KAZN: variants seen among roughly 807,000 people sequenced by gnomAD.
KAZN encodes kazrin, periplakin interacting protein.
KAZN carries 40 observed loss-of-function variants against 87.4 expected under a neutral mutation model. The observed-to-expected ratio is 0.46, with a 90% CI of 0.36 to 0.60. KAZN has a LOEUF of 0.60. Among genes scored for constraint, KAZN ranks in the 20% least tolerant of loss-of-function variants. The pLI, the probability that KAZN is intolerant of heterozygous loss-of-function variation, is 0.00. For missense variants in KAZN, 898 were observed against 1,073.9 expected, an observed-to-expected ratio of 0.84 and a Z score of 2.29; for synonymous variants, 466 against 458.3, an observed-to-expected ratio of 1.02 and a Z score of -0.22.
intron 1 of KAZN, among the ~76,000 whole-genome samples, chr1:14,118,665 C>A (rs976377837): frequency 3.3e-5 from 5 of 152,188 alleles, no homozygotes; most frequent in African/African-American, 1.2e-4. Context: ...CCGAAGAGAT[C>A]TCAGAATTCA....
chr1:14,417,765 A>G (rs1441505501), intron 2 of KAZN, among the ~76,000 whole-genome samples: 3 of 151,808 alleles, frequency 2.0e-5, no homozygotes, highest in Non-Finnish European at 4.4e-5. Flanking sequence ...GGGAGGCCAA[A>G]GCAGGCAGAT....
intron 1 of KAZN, among the ~76,000 whole-genome samples, chr1:14,836,070 C>T (rs543465677): frequency 3.9e-5 from 6 of 152,310 alleles, no homozygotes; most frequent in African/African-American, 9.6e-5. Flanking sequence ...CCCTCCGCCC[C>T]GCTAGCAGGA....
At chr1:14,872,198 A>G (rs1652220711) in intron 1 of KAZN, among the ~76,000 whole-genome samples, 1 of 151,978 alleles carries the variant, frequency 6.6e-6, no homozygotes, top group African/African-American at 2.4e-5. Context: ...TGACTGGGGG[A>G]CTTCTCTGGG....
At chr1:14,309,617 G>A (rs116048153) in intron 2 of KAZN, among the ~76,000 whole-genome samples, 3,261 of 152,266 alleles carry the variant, frequency 0.021, 121 homozygotes, top group African/African-American at 0.074. Context: ...GTGGAGTGCA[G>A]TGGTGTGATC....
At chr1:14,655,792 A>G (rs1394211596) in intron 1 of KAZN, among the ~76,000 whole-genome samples, 1 of 152,172 alleles carries the variant, frequency 6.6e-6, no homozygotes, top group Non-Finnish European at 1.5e-5. Context: ...AGGGGTGGGA[A>G]GTGTGCCGAA....
intron 1 of KAZN, among the ~76,000 whole-genome samples, chr1:14,176,656 C>T (rs1286928262): frequency 6.6e-6 from 1 of 152,208 alleles, no homozygotes; most frequent in African/African-American, 2.4e-5. Flanking sequence ...CGAGGCACAG[C>T]TCTGATGTCA....
At chr1:14,917,858 CT>C (rs974156658) in intron 1 of KAZN, among the ~76,000 whole-genome samples, 8 of 148,972 alleles carry the variant, frequency 5.4e-5, no homozygotes, top group African/African-American at 2.0e-4. Context: ...TTCTTCCTTC[CT>C]TCCTTCCTTC....
At chr1:14,927,140 G>A (rs1659256743) in intron 1 of KAZN, among the ~76,000 whole-genome samples, 1 of 152,190 alleles carries the variant, frequency 6.6e-6, no homozygotes. Context: ...CACTTTCCCT[G>A]TTGGCACCAA....
intron 1 of KAZN, among the ~76,000 whole-genome samples, chr1:14,011,367 T>C (rs939853814): frequency 6.6e-6 from 1 of 152,192 alleles, no homozygotes; most frequent in Non-Finnish European, 1.5e-5. Context: ...TTGCAGCTGT[T>C]GCTTTCACGT....
intron 1 of KAZN, among the ~76,000 whole-genome samples, chr1:14,643,903 A>T (rs920351422): frequency 6.7e-6 from 1 of 149,392 alleles, no homozygotes; most frequent in Non-Finnish European, 1.5e-5. Flanking sequence ...TTTAATTTGC[A>T]TTTCTCTAAT....
At chr1:14,088,220 A>C (rs1289010224) in intron 1 of KAZN, among the ~76,000 whole-genome samples, 2 of 151,740 alleles carry the variant, frequency 1.3e-5, no homozygotes, top group Admixed American at 1.3e-4. Flanking sequence ...CTTAAAGCGT[A>C]AGCTAAGATC....
intron 1 of KAZN, among the ~76,000 whole-genome samples, chr1:14,772,722 A>G (rs138564965): frequency 6.6e-6 from 1 of 152,152 alleles, no homozygotes; most frequent in East Asian, 1.9e-4. Context: ...ATTTCCACGA[A>G]TATCTAGAGT....
intron 2 of KAZN, among the ~76,000 whole-genome samples, chr1:14,971,577 GA>G (rs1206766053): frequency 6.6e-6 from 1 of 151,798 alleles, no homozygotes; most frequent in Non-Finnish European, 1.5e-5. Flanking sequence ...GGAAAAGAGT[GA>G]AATAGGGAAG....
intron 1 of KAZN, among the ~76,000 whole-genome samples, chr1:14,926,853 G>C (rs1399273007): frequency 1.3e-5 from 2 of 152,228 alleles, no homozygotes. Flanking sequence ...GAGGTGCCCT[G>C]TTGGATGGGA....
chr1:14,428,814 A>T (rs997689192), intron 2 of KAZN, among the ~76,000 whole-genome samples: 2 of 152,078 alleles, frequency 1.3e-5, no homozygotes, highest in South Asian at 2.1e-4. Context: ...TGATTCAATT[A>T]TCTCCACCTG....
At chr1:14,377,949 A>G (rs991803524) in intron 2 of KAZN, among the ~76,000 whole-genome samples, 2 of 152,238 alleles carry the variant, frequency 1.3e-5, no homozygotes, top group Non-Finnish European at 2.9e-5. Flanking sequence ...TGTCCCCTGG[A>G]GTACAAAATT....
intron 2 of KAZN, among the ~76,000 whole-genome samples, chr1:14,568,342 C>G (rs927957553): frequency 1.3e-5 from 2 of 152,242 alleles, no homozygotes; most frequent in East Asian, 1.9e-4. Flanking sequence ...GAGAACATAG[C>G]TGTATTAGTC....
At chr1:14,697,985 G>A (rs750006590) in intron 1 of KAZN, among the ~76,000 whole-genome samples, 21 of 152,100 alleles carry the variant, frequency 1.4e-4, no homozygotes, top group Non-Finnish European at 2.1e-4. Context: ...TAGAGTAGCC[G>A]GAAAAACTGA....
At position 14,264,149 on chromosome 1, in the gene KAZN, G is replaced by A. The variant is rs923910107; in HGVS notation, c.249+83557G>A. Among the ~76,000 whole-genome samples, 4 of 152,170 alleles carry A rather than the reference G, an allele frequency of 2.6e-5. 1 individual carries two copies. Among genetic ancestry groups the A allele is most frequent in the East Asian group, 3.9e-4 (2 of 5,176 alleles). On this transcript the variant is annotated intron_variant, in intron 2 of 16. Coordinates refer to the KAZN transcript ENST00000636203. The stretch of plus-strand genomic sequence containing the variant: ...CTCTCATGGAGTCTCACATAAACAC[G>A]GCCAAAGTGGCAGCAGGACTGTGTT...
Sources: allele counts gnomAD v4.1 joint callset (sites outside exome capture counted in the v4.1 genomes callset), GRCh38; gene constraint gnomAD v4.1.1; transcripts MANE v1.5; gene names NCBI Gene and HGNC (gene_info 2026-07-23, HGNC 2026-07-21).